USP25: variants seen among roughly 807,000 people sequenced by gnomAD.
USP25 encodes ubiquitin carboxyl-terminal hydrolase 25.
Under a neutral mutation model 158.5 loss-of-function variants are expected in USP25, and 85 were observed. That is an observed-to-expected ratio of 0.54 (90% CI 0.45 to 0.64). USP25 has a LOEUF of 0.64. Ranked by LOEUF, USP25 falls within the 30% of genes least tolerant of loss-of-function variation. The pLI is 0.00. For missense variants in USP25, 1,242 were observed against 1,327.3 expected (o/e 0.94, Z 1.00); for synonymous variants, 464 against 460.4 (o/e 1.01, Z -0.10).
chr21:15,811,872 C>T (rs1463289752), intron 9 of USP25, among the ~76,000 whole-genome samples: 1 of 152,016 alleles, frequency 6.6e-6, no homozygotes, highest in Admixed American at 6.5e-5. Flanking sequence ...TCACATCACC[C>T]AATGCATCAA....
chr21:15,866,207 A>G (rs1490506783), intron 21 of USP25, 59 bp from the exon 22 acceptor site: 3 of 1,013,828 alleles, frequency 3.0e-6, no homozygotes, highest in Non-Finnish European at 3.9e-6. Flanking sequence ...TTACAAATAT[A>G]TATATATATA....
At chr21:15,845,803 C>T (rs1341579168) in intron 18 of USP25, among the ~76,000 whole-genome samples, 4 of 152,190 alleles carry the variant, frequency 2.6e-5, no homozygotes, top group East Asian at 3.9e-4. Flanking sequence ...TAGCACAGTT[C>T]GTCTCTTATA....
At chr21:15,781,730 A>G (rs2123528810) in intron 4 of USP25, among the ~76,000 whole-genome samples, 1 of 152,236 alleles carries the variant, frequency 6.6e-6, no homozygotes, top group Non-Finnish European at 1.5e-5. Flanking sequence ...TCTTATAGGA[A>G]GAAGGTAAGC....
intron 8 of USP25, 82 bp downstream of exon 8, chr21:15,808,967 A>G (rs1022383193): frequency 7.9e-6 from 8 of 1,010,556 alleles, no homozygotes; most frequent in Admixed American, 2.7e-5. Context: ...GAAATAAGAA[A>G]TCAAGACAGA....
At chr21:15,860,969 T>TGTAG (rs1555862063) in intron 20 of USP25, among the ~76,000 whole-genome samples, 1 of 141,260 alleles carries the variant, frequency 7.1e-6, no homozygotes. Context: ...TATATATATA[T>TGTAG]ATATATAGAG....
At chr21:15,781,170 G>T (rs886679121) in intron 4 of USP25, among the ~76,000 whole-genome samples, 2 of 152,172 alleles carry the variant, frequency 1.3e-5, no homozygotes, top group African/African-American at 2.4e-5. Context: ...TGTCCGTGTG[G>T]CAGGAGCCAC....
chr21:15,872,012 C>CTGTT (rs2039907270), intron 23 of USP25, among the ~76,000 whole-genome samples: 1 of 102,254 alleles, frequency 9.8e-6, no homozygotes, highest in African/African-American at 4.7e-5. Context: ...GAAAGAAATA[C>CTGTT]TGTTTTTTTT....
chr21:15,789,222 A>AT (rs1046507257), intron 4 of USP25, among the ~76,000 whole-genome samples: 7 of 152,168 alleles, frequency 4.6e-5, no homozygotes, highest in African/African-American at 1.7e-4. Flanking sequence ...AGTGGTGTAT[A>AT]TTTTTTGGTA....
At chr21:15,746,833 A>C (rs1484918757) in intron 1 of USP25, among the ~76,000 whole-genome samples, 2 of 152,210 alleles carry the variant, frequency 1.3e-5, no homozygotes, top group African/African-American at 2.4e-5. Context: ...TATTCATTTT[A>C]AAAATTGTGC....
intron 1 of USP25, among the ~76,000 whole-genome samples, chr21:15,750,645 C>T (rs1051609696): frequency 3.3e-5 from 5 of 151,808 alleles, no homozygotes; most frequent in South Asian, 2.1e-4. Context: ...CTCGCTCTGT[C>T]GCCTAGGCTG....
chr21:15,787,896 C>T (rs375934409), intron 4 of USP25, among the ~76,000 whole-genome samples: 14 of 124,998 alleles, frequency 1.1e-4, no homozygotes, highest in African/African-American at 4.8e-4. Flanking sequence ...ATAATAACAC[C>T]CCCTCACCCC....
At chr21:15,749,370 A>G (rs1455199454) in intron 1 of USP25, among the ~76,000 whole-genome samples, 1 of 152,196 alleles carries the variant, frequency 6.6e-6, no homozygotes, top group East Asian at 1.9e-4. Flanking sequence ...GGAATTTTCC[A>G]AGGTTTGTCT....
intron 3 of USP25, among the ~76,000 whole-genome samples, chr21:15,769,326 TA>T (rs2034216172): frequency 6.6e-6 from 1 of 152,076 alleles, no homozygotes; most frequent in South Asian, 2.1e-4. Context: ...GTGCTCTGCA[TA>T]AAAAAGAATT....
chr21:15,740,716 A>AT (rs953141999), intron 1 of USP25, among the ~76,000 whole-genome samples: 2 of 104,952 alleles, frequency 1.9e-5, no homozygotes, highest in East Asian at 3.4e-4. Flanking sequence ...TTCCTATAGG[A>AT]TTTTTTTGTG....
At chr21:15,844,531 T>C (rs1474513470) in intron 18 of USP25, among the ~76,000 whole-genome samples, 1 of 152,128 alleles carries the variant, frequency 6.6e-6, no homozygotes, top group Non-Finnish European at 1.5e-5. Flanking sequence ...CTAGCCGCTT[T>C]TCAAATATGC....
At chr21:15,870,418 A>T (rs1358047099) in intron 23 of USP25, among the ~76,000 whole-genome samples, 1 of 152,176 alleles carries the variant, frequency 6.6e-6, no homozygotes, top group Non-Finnish European at 1.5e-5. Context: ...CTTGAAGCTG[A>T]GTCTGATCTT....
intron 20 of USP25, among the ~76,000 whole-genome samples, chr21:15,854,000 C>G (rs575394187): frequency 1.3e-5 from 2 of 152,192 alleles, no homozygotes; most frequent in Non-Finnish European, 2.9e-5. Context: ...AGTATTAATT[C>G]ATAAAATATG....
intron 1 of USP25, among the ~76,000 whole-genome samples, chr21:15,752,345 A>T (rs1054465195): frequency 2.6e-5 from 4 of 151,632 alleles, no homozygotes; most frequent in Non-Finnish European, 5.9e-5. Context: ...CCTCCTGAGT[A>T]GCTGGGACTA....
At chr21:15,810,346 A>G (rs776881727) in intron 8 of USP25, among the ~76,000 whole-genome samples, 1 of 152,146 alleles carries the variant, frequency 6.6e-6, no homozygotes, top group Non-Finnish European at 1.5e-5. Flanking sequence ...TTTTTAAACA[A>G]TACTTCACAA....
Sources: allele counts gnomAD v4.1 joint callset (sites outside exome capture counted in the v4.1 genomes callset), GRCh38; gene constraint gnomAD v4.1.1; transcripts MANE v1.5; gene names NCBI Gene and HGNC (gene_info 2026-07-23, HGNC 2026-07-21).